TBC1D12: variants seen among roughly 807,000 people sequenced by gnomAD.
The protein encoded by TBC1D12 is TBC1 domain family member 12.
In TBC1D12, 56 loss-of-function variants were observed where a neutral mutation model predicts 86.7. The ratio of observed to expected loss-of-function variants is 0.65; its 90% CI spans 0.52 to 0.81. The LOEUF (loss-of-function observed/expected upper bound fraction) is 0.81, where lower values mean the gene tolerates loss of function less well. TBC1D12 is among the 30% of genes least tolerant of loss of function. TBC1D12 has a pLI of 0.00. For synonymous variants in TBC1D12, 421 were observed against 411.7 expected (o/e 1.02, Z -0.27); for missense variants, 1,023 against 1,038.8 (o/e 0.98, Z 0.21).
intron 9 of TBC1D12, among the ~76,000 whole-genome samples, chr10:94,517,530 C>A (rs1589672683): frequency 6.6e-6 from 1 of 152,060 alleles, no homozygotes; most frequent in East Asian, 1.9e-4. Flanking sequence ...ACCCTGGCTG[C>A]AGACTTATTA....
chr10:94,531,390 T>A lies in TBC1D12; in HGVS notation c.2189T>A (p.Ile730Asn), dbSNP rs754068844. 2 of 1,614,100 alleles carry A rather than the reference T, an allele frequency of 1.2e-6. No individual in the cohort carries two copies. Among genetic ancestry groups the A allele is most frequent in the South Asian group, 1.1e-5 (1 of 91,068 alleles). The change falls in exon 12 of 13, where the codon ATC becomes AAC. Residue 730 changes from isoleucine to asparagine, a missense_variant. By Grantham distance (149) the Ile-to-Asn change is moderately radical (BLOSUM62 -3). Around this residue, in one of 2 missense-constraint regions of TBC1D12, gnomAD observed 395 missense variants for 507.7 expected, o/e 0.78. Coordinates refer to ENST00000225235, the MANE Select transcript of TBC1D12 (RefSeq NM_015188.2). The stretch of plus-strand genomic sequence containing the variant: ...TTTCTAACTAAATTGCCAGAAGATA[T>A]CACATCGGAAAAGCTGTTCAGTTGT... The part of the protein sequence containing the change: ...AQFLTKLPED[I>N]TSEKLFSCIA...
chr10:94,511,728 GTATTAGC>G, intron 9 of TBC1D12, 74 bp downstream of exon 9: 1 of 1,006,710 alleles, frequency 9.9e-7, no homozygotes, highest in Non-Finnish European at 1.5e-6. Context: ...ATCCTATGTT[GTATTAGC>G]TCCCAAATGT....
At chr10:94,484,520 G>A (rs138563377) in intron 3 of TBC1D12, among the ~76,000 whole-genome samples, 6 of 152,216 alleles carry the variant, frequency 3.9e-5, no homozygotes, top group East Asian at 1.9e-4. Flanking sequence ...GATTACAGGC[G>A]TGAGCCACCA....
intron 1 of TBC1D12, among the ~76,000 whole-genome samples, chr10:94,437,987 G>A (rs1369452458): frequency 1.1e-5 from 1 of 91,996 alleles, no homozygotes. Flanking sequence ...TCAATCTCCT[G>A]GAGCTTTTTT....
chr10:94,439,274 C>T (rs1052618865), intron 1 of TBC1D12, among the ~76,000 whole-genome samples: 1 of 152,048 alleles, frequency 6.6e-6, no homozygotes, highest in Non-Finnish European at 1.5e-5. Context: ...GTGTCATATC[C>T]AATAATTATT....
At chr10:94,511,489 T>C in intron 8 of TBC1D12, 94 bp from the exon 9 acceptor site, 1 of 803,296 alleles carries the variant, frequency 1.2e-6, no homozygotes, top group Non-Finnish European at 2.1e-6. Flanking sequence ...AAACTAGTCA[T>C]TTAGGAAATG....
At position 94,535,576 on chromosome 10, in the gene TBC1D12, G is replaced by A. The variant is rs932984790; in HGVS notation, c.*2480G>A. 8.5e-5 allele frequency: 13 copies of A among 152,120 alleles called. No homozygotes were observed. The highest frequency in any genetic ancestry group is 3.1e-4 in the African/African-American group (13 of 41,502). 9.4% of individuals were successfully genotyped at this position (152,120 alleles called of 1,614,324 possible). On this transcript the variant is annotated 3_prime_UTR_variant, in exon 13 of 13. Transcript: ENST00000225235. ...TTGCTATTATAGGGACTTACTTATT[G>A]GAGACTGGTAATATAATAAAATATT... is the stretch of plus-strand genomic sequence containing the variant.
intron 2 of TBC1D12, among the ~76,000 whole-genome samples, chr10:94,452,062 G>A (rs1355666559): frequency 6.7e-6 from 1 of 150,144 alleles, no homozygotes; most frequent in Non-Finnish European, 1.5e-5. Flanking sequence ...TTAAATATAT[G>A]TATTTAAATG....
intron 3 of TBC1D12, among the ~76,000 whole-genome samples, chr10:94,485,448 A>G (rs572662886): frequency 6.6e-6 from 1 of 151,888 alleles, no homozygotes; most frequent in Non-Finnish European, 1.5e-5. Context: ...GGTCATGATG[A>G]ATTATCTTTT....
At chr10:94,514,593 T>C (rs1422916801) in intron 9 of TBC1D12, among the ~76,000 whole-genome samples, 1 of 152,228 alleles carries the variant, frequency 6.6e-6, no homozygotes, top group Non-Finnish European at 1.5e-5. Flanking sequence ...CCAAACGACA[T>C]AATTTCTTCC....
intron 2 of TBC1D12, among the ~76,000 whole-genome samples, chr10:94,458,694 G>A (rs755729453): frequency 7.2e-5 from 11 of 152,132 alleles, no homozygotes; most frequent in African/African-American, 1.9e-4. Flanking sequence ...TCGCGGTCTC[G>A]CTGGCTTCAG....
intron 1 of TBC1D12, among the ~76,000 whole-genome samples, chr10:94,409,451 A>G (rs1049466491): frequency 1.2e-4 from 17 of 145,668 alleles, no homozygotes; most frequent in African/African-American, 4.3e-4. Flanking sequence ...GGCTCACTGC[A>G]GCCTCAGACT....
chr10:94,469,207 G>A (rs1032951251), intron 2 of TBC1D12, among the ~76,000 whole-genome samples: 7 of 152,082 alleles, frequency 4.6e-5, no homozygotes, highest in Non-Finnish European at 8.8e-5. Context: ...GACCTTTTGG[G>A]TTTTTCCTGA....
chr10:94,450,357 G>T (rs552029445), intron 2 of TBC1D12, among the ~76,000 whole-genome samples: 12 of 151,986 alleles, frequency 7.9e-5, no homozygotes, highest in East Asian at 1.9e-4. Context: ...CATGCAAATT[G>T]TGTTCCTAAG....
At chr10:94,459,069 CAGAGAGCTGATTGGTCCATTTTACAG>C (rs1175163164) in intron 2 of TBC1D12, among the ~76,000 whole-genome samples, 1 of 468 alleles carries the variant, frequency 2.1e-3, no homozygotes, top group African/African-American at 0.017. Context: ...GTCCATTTTA[CAGAGAGCTGATTGGTCCATTTTACAG>C]AGAGCTGATT....
In TBC1D12 at chr10:94,473,355, C is replaced by T. The variant is rs570540672; in HGVS notation, c.1096-1313C>T. Among the ~76,000 whole-genome samples, 22 of 142,790 alleles carry T rather than the reference C, an allele frequency of 1.5e-4. 1 individual carries two copies. In the South Asian group the frequency reaches 4.4e-3, roughly 29 times the overall value. 93.7% of individuals were successfully genotyped at this position (142,790 alleles called of 152,430 possible). A position where few individuals can be genotyped will look rare whatever the true frequency, so the allele number is the denominator to read the frequency against. ...AGCCTGGGCAACAAGAGCATAACTCCATCTCAAAAAAAAAAAAGAAGAAAA... is the reference window on the plus strand; with the variant it reads ...AGCCTGGGCAACAAGAGCATAACTCTATCTCAAAAAAAAAAAAGAAGAAAA... On this transcript the variant is annotated intron_variant, in intron 2 of 12. Transcript: ENST00000225235.
intron 2 of TBC1D12, among the ~76,000 whole-genome samples, chr10:94,473,561 G>C (rs1306899100): frequency 6.6e-6 from 1 of 152,152 alleles, no homozygotes; most frequent in Non-Finnish European, 1.5e-5. Context: ...ACCACTTTAA[G>C]TGCATTTTAT....
At chr10:94,440,039 G>A (rs1362390488) in intron 1 of TBC1D12, among the ~76,000 whole-genome samples, 1 of 152,150 alleles carries the variant, frequency 6.6e-6, no homozygotes, top group African/African-American at 2.4e-5. Flanking sequence ...ATCTTATGAA[G>A]TAGAGAATTA....
intron 2 of TBC1D12, among the ~76,000 whole-genome samples, chr10:94,445,433 G>A (rs2055447663): frequency 6.6e-6 from 1 of 152,116 alleles, no homozygotes; most frequent in African/African-American, 2.4e-5. Context: ...TGAGAAGAAG[G>A]GGTAGAGTTG....
Sources: allele counts gnomAD v4.1 joint callset (sites outside exome capture counted in the v4.1 genomes callset), GRCh38; gene constraint gnomAD v4.1.1; regional missense constraint gnomAD v4.1.1; transcripts MANE v1.5; gene names NCBI Gene and HGNC (gene_info 2026-07-23, HGNC 2026-07-21).